Variants in DEPTOR observed in about 807,000 individuals in gnomAD.
DEPTOR encodes the protein DEP domain-containing mTOR-interacting protein.
Under a neutral mutation model 41.6 loss-of-function variants are expected in DEPTOR, and 41 were observed. The observed-to-expected ratio is 0.98, with a 90% confidence interval of 0.77 to 1.28. DEPTOR has a LOEUF of 1.28. DEPTOR is among the 50% of genes most tolerant of loss of function. The pLI is 0.00. For missense variants in DEPTOR, 514 were observed against 527.9 expected (o/e 0.97, Z 0.26); for synonymous variants, 195 against 192.3 (o/e 1.01, Z -0.12).
chr8:119,949,033 G>T (rs369090548), intron 3 of DEPTOR, among the ~76,000 whole-genome samples: 185 of 152,248 alleles, frequency 1.2e-3, no homozygotes, highest in Non-Finnish European at 2.2e-3. Flanking sequence ...TGATCCACCC[G>T]CCTTGGCCTC....
At chr8:119,875,046 G>A (rs1010680625) in intron 1 of DEPTOR, among the ~76,000 whole-genome samples, 1 of 152,054 alleles carries the variant, frequency 6.6e-6, no homozygotes, top group Non-Finnish European at 1.5e-5. Context: ...TTGGAAGTCA[G>A]AATTAACTGA....
At chr8:119,945,180 T>C (rs1828255938) in intron 3 of DEPTOR, among the ~76,000 whole-genome samples, 1 of 152,200 alleles carries the variant, frequency 6.6e-6, no homozygotes, top group Admixed American at 6.5e-5. Flanking sequence ...GATGAATGCA[T>C]GGTAATTCTT....
chr8:119,980,623 C>A, intron 4 of DEPTOR, among the ~76,000 whole-genome samples: 1 of 151,264 alleles, frequency 6.6e-6, no homozygotes. Context: ...GTTCAAGCAA[C>A]TCTCCTGCCT....
At chr8:120,030,602 TTTCAAGCAA>T (rs1243764138) in intron 8 of DEPTOR, among the ~76,000 whole-genome samples, 1 of 146,518 alleles carries the variant, frequency 6.8e-6, no homozygotes, top group Non-Finnish European at 1.5e-5. Flanking sequence ...CGCCTCCTTG[TTTCAAGCAA>T]TTCTCATGCC....
chr8:120,037,220 T>G (rs1331767708), intron 8 of DEPTOR, among the ~76,000 whole-genome samples: 1 of 152,198 alleles, frequency 6.6e-6, no homozygotes, highest in Non-Finnish European at 1.5e-5. Context: ...TAGTAAACAC[T>G]GGGATTAGTA....
chr8:119,949,235 T>TA (rs1828321932), intron 3 of DEPTOR, among the ~76,000 whole-genome samples: 1 of 152,282 alleles, frequency 6.6e-6, no homozygotes, highest in African/African-American at 2.4e-5. Flanking sequence ...AGCCAACTAA[T>TA]TCCTTGTATG....
intron 8 of DEPTOR, among the ~76,000 whole-genome samples, chr8:120,036,072 G>C (rs942223822): frequency 1.3e-5 from 2 of 152,084 alleles, no homozygotes; most frequent in African/African-American, 4.8e-5. Context: ...ACTGAACCAG[G>C]GTTCCCCATA....
At chr8:119,935,487 G>A (rs1365229726) in intron 3 of DEPTOR, among the ~76,000 whole-genome samples, 2 of 152,110 alleles carry the variant, frequency 1.3e-5, no homozygotes, top group Non-Finnish European at 2.9e-5. Flanking sequence ...TTGGGAGGCC[G>A]AGGCGGGCAG....
In DEPTOR at chr8:119,945,626, C is replaced by A. The variant is rs953083010; in HGVS notation, c.425+15688C>A. Reference sequence around the variant, plus strand: ...AAAAATAAAAAAGTTAAATTCCTTGCAGTGAACCTATAGAAATTGAATGCC... The same window carrying A: ...AAAAATAAAAAAGTTAAATTCCTTGAAGTGAACCTATAGAAATTGAATGCC... On this transcript the variant is annotated intron_variant, in intron 3 of 8. Coordinates refer to ENST00000286234, the MANE Select transcript of DEPTOR (RefSeq NM_022783.4). Among the ~76,000 whole-genome samples, 23 of 152,190 alleles carry A rather than the reference C, an allele frequency of 1.5e-4. 1 individual carries two copies. Among genetic ancestry groups the A allele is most frequent in the Admixed American group, 1.4e-3 (21 of 15,274 alleles).
chr8:119,884,144 G>A lies in DEPTOR; in HGVS notation c.122+10176G>A, dbSNP rs527391770. 5.9e-5 allele frequency among the ~76,000 whole-genome samples: 9 copies of A among 152,260 alleles called. No homozygotes were observed. The South Asian group carries it at 1.7e-3, about 28-fold the overall frequency. On this transcript the variant is annotated intron_variant, in intron 1 of 8. Transcript: ENST00000286234. ...ATGATCTTGGCTCACCGCAACCTCCGGTTCCCAGGTTCAAGCGATTCTCCT... is the reference window on the plus strand; with the variant it reads ...ATGATCTTGGCTCACCGCAACCTCCAGTTCCCAGGTTCAAGCGATTCTCCT...
At chr8:119,891,074 CCCAT>C (rs1025171593) in intron 1 of DEPTOR, 2 of 151,994 alleles carry the variant, frequency 1.3e-5, no homozygotes, top group Non-Finnish European at 2.9e-5. Flanking sequence ...GTCTATTCCT[CCCAT>C]CCAAGTACCC....
At chr8:119,924,932 A>T (rs1827944888) in intron 1 of DEPTOR, among the ~76,000 whole-genome samples, 1 of 152,152 alleles carries the variant, frequency 6.6e-6, no homozygotes, top group Non-Finnish European at 1.5e-5. Context: ...GTCCATTCTC[A>T]TGCTGCTAAT....
intron 4 of DEPTOR, among the ~76,000 whole-genome samples, chr8:119,991,677 T>A (rs1812176330): frequency 6.6e-6 from 1 of 152,172 alleles, no homozygotes. Context: ...CATTTACAAG[T>A]GAGAACACGA....
At chr8:120,038,335 C>G (rs900011950) in intron 8 of DEPTOR, among the ~76,000 whole-genome samples, 1 of 150,508 alleles carries the variant, frequency 6.6e-6, no homozygotes, top group African/African-American at 2.4e-5. Flanking sequence ...CACAAAGGCT[C>G]AGGCCTGTAA....
At chr8:119,911,311 C>CTTTT (rs147066045) in intron 1 of DEPTOR, among the ~76,000 whole-genome samples, 45 of 105,464 alleles carry the variant, frequency 4.3e-4, no homozygotes, top group Non-Finnish European at 5.5e-4. Context: ...TACACACATT[C>CTTTT]TTTTTTTTTT....
intron 1 of DEPTOR, among the ~76,000 whole-genome samples, chr8:119,893,683 G>C (rs1301900904): frequency 6.6e-6 from 1 of 151,962 alleles, no homozygotes; most frequent in African/African-American, 2.4e-5. Flanking sequence ...ACAAAAATTA[G>C]TGGGTGTGGT....
At chr8:120,041,504 G>C (rs1288827886) in intron 8 of DEPTOR, among the ~76,000 whole-genome samples, 2 of 152,088 alleles carry the variant, frequency 1.3e-5, no homozygotes, top group Non-Finnish European at 2.9e-5. Flanking sequence ...CCTGCTTCCT[G>C]TTAACTCTTA....
chr8:119,893,180 A>T (rs964378729), intron 1 of DEPTOR, among the ~76,000 whole-genome samples: 6 of 152,236 alleles, frequency 3.9e-5, no homozygotes, highest in African/African-American at 1.4e-4. Context: ...ACCAGGATTT[A>T]TTAAGCCATT....
At position 119,928,049 on chromosome 8, in the gene DEPTOR, A is replaced by G. The variant is rs998807044; in HGVS notation, c.123-351A>G. On this transcript the variant is annotated intron_variant, in intron 1 of 8. Coordinates refer to ENST00000286234, the MANE Select transcript of DEPTOR (RefSeq NM_022783.4). ...GTGCACTTTGTTTCAGTGCATTTCT[A>G]GGGTTTTTGTTTGCTGGTTGAAACA... 2.1e-4 allele frequency among the ~76,000 whole-genome samples: 32 copies of G among 152,292 alleles called. 1 individual carries two copies. Among genetic ancestry groups the G allele is most frequent in the African/African-American group, 7.0e-4 (29 of 41,570 alleles).
Sources: allele counts gnomAD v4.1 joint callset (sites outside exome capture counted in the v4.1 genomes callset), GRCh38; gene constraint gnomAD v4.1.1; transcripts MANE v1.5; gene names NCBI Gene and HGNC (gene_info 2026-07-23, HGNC 2026-07-21).